Variants in NKTR observed in about 807,000 individuals in gnomAD.
The protein encoded by NKTR is NK-tumor recognition protein.
In NKTR, 67 loss-of-function variants were observed where a neutral mutation model predicts 156.3. The observed-to-expected ratio is 0.43, with a 90% CI of 0.35 to 0.53. The LOEUF (loss-of-function observed/expected upper bound fraction) is 0.53, where lower values mean the gene tolerates loss of function less well. Among genes scored for constraint, NKTR ranks in the 20% least tolerant of loss-of-function variants. NKTR has a pLI of 0.01. For synonymous variants in NKTR, 640 were observed against 596.6 expected (o/e 1.07, Z -1.06); for missense variants, 1,604 against 1,730.9 (o/e 0.93, Z 1.30).
Position 42,639,413 on chromosome 3 carries a change from G to T in NKTR, c.3709G>T (p.Ala1237Ser), listed in dbSNP as rs1272270947. The change falls in exon 13 of 17, where the codon GCA becomes TCA. Residue 1237 changes from alanine to serine, a missense_variant. This residue lies in a region of NKTR where 1,255 missense variants were observed against 1,243.7 expected (regional missense o/e 1.01). Transcript: ENST00000232978. ...CCTGCAAGGTGTGGGGAACCTGGCA[G>T]CACCTAATGCTGCCACATCCAGTGC... ...KPLQGVGNLA[A>S]PNAATSSAVE... The T allele has an allele frequency of 1.2e-6, 2 of 1,614,106 alleles. No homozygotes were observed. The highest frequency in any genetic ancestry group is 1.7e-6 in the Non-Finnish European group (2 of 1,179,980).
chr3:42,643,402 A>T lies in NKTR; in HGVS notation c.4199+7A>T. 1 of 1,612,790 alleles carries T rather than the reference A, an allele frequency of 6.2e-7. No homozygotes were observed. The highest frequency in any genetic ancestry group is 8.5e-7 in the Non-Finnish European group (1 of 1,178,878). On this transcript the variant is annotated splice_region_variant and intron_variant, in intron 15 of 16. Transcript: ENST00000232978. The stretch of plus-strand genomic sequence containing the variant: ...ATCCCCACAGTCGATCCAGGTATGA[A>T]CAGGGATTGGGAAACCACCAGTGGG...
At chr3:42,640,755 G>T (rs192238689) in intron 13 of NKTR, among the ~76,000 whole-genome samples, 1 of 152,306 alleles carries the variant, frequency 6.6e-6, no homozygotes, top group East Asian at 1.9e-4. Context: ...GTACCATGGC[G>T]TATTTTCAGC....
At chr3:42,627,499 G>A (rs1211307744) in intron 6 of NKTR, 2 of 985,148 alleles carry the variant, frequency 2.0e-6, no homozygotes, top group Non-Finnish European at 2.4e-6. Context: ...TCTCATTTCA[G>A]TGTGGAATTA....
intron 2 of NKTR, chr3:42,612,478 A>G (rs1449836320): frequency 2.6e-5 from 4 of 152,156 alleles, no homozygotes; most frequent in Non-Finnish European, 5.9e-5. Context: ...CACTGTTTGC[A>G]TTGTCATACC....
chr3:42,642,103 G>A (rs1709938053), intron 13 of NKTR, among the ~76,000 whole-genome samples: 1 of 151,956 alleles, frequency 6.6e-6, no homozygotes, highest in Admixed American at 6.6e-5. Context: ...ATTCAACATT[G>A]TGTTCTAGAG....
chr3:42,645,823 C>A, intron 16 of NKTR, 65 bp from the exon 17 acceptor site: 1 of 1,105,564 alleles, frequency 9.0e-7, no homozygotes, highest in Non-Finnish European at 1.3e-6. Flanking sequence ...AAAAAACAAG[C>A]TATAAGAGGA....
In NKTR at chr3:42,624,987, T is replaced by C. The variant is rs144429086; in HGVS notation, c.374+3471T>C. Among the ~76,000 whole-genome samples the C allele has an allele frequency of 8.0e-3, 1,220 of 152,274 alleles. 16 individuals are homozygous for C. The highest frequency in any genetic ancestry group is 0.028 in the African/African-American group (1,158 of 41,562). On this transcript the variant is annotated intron_variant, in intron 6 of 16. Coordinates refer to ENST00000232978, the MANE Select transcript of NKTR (RefSeq NM_005385.4). ...TATAGCTGTCAGGAAACCTTGATTT[T>C]AGTTTCCTATGTACCTTCAGTTCGT...
intron 2 of NKTR, among the ~76,000 whole-genome samples, chr3:42,614,431 A>C (rs1019949965): frequency 1.8e-4 from 26 of 146,184 alleles, no homozygotes; most frequent in Non-Finnish European, 3.6e-4. Flanking sequence ...AACCACATTG[A>C]CTTTTTTTTT....
Position 42,601,073 on chromosome 3 carries a change from G to A in NKTR, c.58+9G>A. 2 of 1,562,972 alleles carry A rather than the reference G, an allele frequency of 1.3e-6. No homozygotes were observed. The highest frequency in any genetic ancestry group is 2.3e-4 in the Middle Eastern group (1 of 4,380). Reference sequence around the variant, plus strand: ...GATCAACCGGGAGCCGGGTGAGCTGGAAACTGGGGAGCGCTGCTGGGGCCG... The same window carrying A: ...GATCAACCGGGAGCCGGGTGAGCTGAAAACTGGGGAGCGCTGCTGGGGCCG... On this transcript the variant is annotated intron_variant, in intron 2 of 16. Coordinates refer to ENST00000232978, the MANE Select transcript of NKTR (RefSeq NM_005385.4).
Position 42,642,518 on chromosome 3 carries a change from G to C in NKTR, c.4064G>C (p.Arg1355Thr). ...TSSYRSRSYS[R>T]SRSRGWYSRG... ...AATTGTAGATCAAGAAGCTACTCTA[G>C]AAGTCGGAGCAGAGGATGGTACAGC... Residue 1355 changes from arginine to threonine, a missense_variant, in exon 14 of 17, where the codon AGA becomes ACA. Physicochemically the swap from Arg to Thr is moderately conservative, Grantham distance 71. Coordinates refer to ENST00000232978, the MANE Select transcript of NKTR (RefSeq NM_005385.4). 1 of 1,613,414 alleles carries C rather than the reference G, an allele frequency of 6.2e-7. No homozygotes were observed.
chr3:42,601,211 T>C, intron 2 of NKTR, 147 bp downstream of exon 2: 2 of 605,196 alleles, frequency 3.3e-6, no homozygotes, highest in Non-Finnish European at 5.5e-6. Context: ...AGAAAATCAG[T>C]GGGAGAGGAA....
chr3:42,610,238 A>C (rs1706648644), intron 2 of NKTR, among the ~76,000 whole-genome samples: 1 of 152,062 alleles, frequency 6.6e-6, no homozygotes. Flanking sequence ...TCCCGACCTC[A>C]GGTGATCCGC....
Position 42,638,946 on chromosome 3 carries a change from A to C in NKTR, c.3242A>C (p.Gln1081Pro), listed in dbSNP as rs1010775482. 6.2e-7 allele frequency: 1 copy of C among 1,613,512 alleles called. No homozygotes were observed. The highest frequency in any genetic ancestry group is 1.3e-5 in the African/African-American group (1 of 75,050). The stretch of plus-strand genomic sequence containing the variant: ...GTGACTGTTTCATCAGATCTTGATC[A>C]GTTTACTAAAGATGATAGTAAACTC... ...DTVTVSSDLD[Q>P]FTKDDSKLSI... is the part of the protein sequence containing the mutation. Residue 1081 changes from glutamine to proline, a missense_variant, in exon 13 of 17, where the codon CAG (glutamine) becomes CCG (proline). By Grantham distance (76) the Gln-to-Pro change is moderately conservative. Coordinates refer to ENST00000232978, the MANE Select transcript of NKTR (RefSeq NM_005385.4).
At position 42,622,868 on chromosome 3, in the gene NKTR, C is replaced by T. The variant is rs115048549; in HGVS notation, c.374+1352C>T. ...TTATCTGAACTGTGAACATGAAAAA[C>T]GTAATGATTCATTGGTCAAGAAGCT... On this transcript the variant is annotated intron_variant, in intron 6 of 16. Transcript: ENST00000232978. 4.0e-3 allele frequency among the ~76,000 whole-genome samples: 609 copies of T among 152,110 alleles called. 5 individuals carry two copies. The highest frequency in any genetic ancestry group is 0.016 in the South Asian group (76 of 4,826).
chr3:42,639,298 T>C lies in NKTR; in HGVS notation c.3594T>C (p.Ser1198=). Residue 1198 remains serine, a synonymous_variant, in exon 13 of 17, where the codon TCT becomes TCC. Coordinates refer to ENST00000232978, the MANE Select transcript of NKTR (RefSeq NM_005385.4). ...LGEVGKQDSS[S]ASLASAGEST... ...AAGTGGGGAAACAGGACAGCAGCTCTGCTAGCTTGGCTAGTGCTGGAGAAA... is the reference window on the plus strand; with the variant it reads ...AAGTGGGGAAACAGGACAGCAGCTCCGCTAGCTTGGCTAGTGCTGGAGAAA... The C allele has an allele frequency of 6.2e-7, 1 of 1,614,158 alleles. No homozygotes were observed. Among genetic ancestry groups the C allele is most frequent in the Non-Finnish European group, 8.5e-7 (1 of 1,180,012 alleles).
chr3:42,616,878 G>C (rs1344066803), intron 2 of NKTR, among the ~76,000 whole-genome samples: 1 of 152,036 alleles, frequency 6.6e-6, no homozygotes, highest in African/African-American at 2.4e-5. Context: ...TCCTACGTCA[G>C]CCTCCCCAAT....
At chr3:42,612,373 C>G (rs1044264502) in intron 2 of NKTR, 12 of 152,070 alleles carry the variant, frequency 7.9e-5, no homozygotes, top group Admixed American at 3.3e-4. Flanking sequence ...ATTTCCTATT[C>G]AAAAGAAAGA....
intron 2 of NKTR, among the ~76,000 whole-genome samples, chr3:42,609,099 G>A (rs764222010): frequency 1.3e-5 from 2 of 151,704 alleles, no homozygotes; most frequent in Non-Finnish European, 2.9e-5. Flanking sequence ...CTGCACTCCT[G>A]CCTGGGCAAT....
chr3:42,629,139 T>TA (rs1708669443), intron 6 of NKTR: 1 of 981,014 alleles, frequency 1.0e-6, no homozygotes, highest in African/African-American at 1.7e-5. Flanking sequence ...ATCTTGAAGT[T>TA]ACCATCCAAG....
Sources: allele counts gnomAD v4.1 joint callset (sites outside exome capture counted in the v4.1 genomes callset), GRCh38; gene constraint gnomAD v4.1.1; regional missense constraint gnomAD v4.1.1; transcripts MANE v1.5; gene names NCBI Gene and HGNC (gene_info 2026-07-23, HGNC 2026-07-21).